Variants in ASTN2 observed in about 807,000 individuals in gnomAD.
ASTN2 encodes the protein astrotactin-2.
Under a neutral mutation model 139.8 loss-of-function variants are expected in ASTN2, and 54 were observed. The ratio of observed to expected loss-of-function variants is 0.39; its 90% CI spans 0.31 to 0.48. The LOEUF (loss-of-function observed/expected upper bound fraction) is 0.48. ASTN2 is among the 20% of genes least tolerant of loss of function. ASTN2 has a pLI of 0.95. For missense variants in ASTN2, 1,565 were observed against 1,725.1 expected, an observed-to-expected ratio of 0.91 and a Z score of 1.64; for synonymous variants, 756 against 719.5, an observed-to-expected ratio of 1.05 and a Z score of -0.81.
intron 4 of ASTN2, among the ~76,000 whole-genome samples, chr9:117,097,183 G>A (rs1828861904): frequency 6.6e-6 from 1 of 152,190 alleles, no homozygotes; most frequent in African/African-American, 2.4e-5. Context: ...GAGGATGGGA[G>A]GAGGAGATGA....
At chr9:117,397,645 C>T (rs1183819846) in intron 1 of ASTN2, among the ~76,000 whole-genome samples, 3 of 152,192 alleles carry the variant, frequency 2.0e-5, no homozygotes, top group Non-Finnish European at 4.4e-5. Context: ...TGCACATTTA[C>T]GTATTTTAAG....
intron 11 of ASTN2, among the ~76,000 whole-genome samples, chr9:116,855,862 G>T (rs1832725289): frequency 6.6e-6 from 1 of 152,162 alleles, no homozygotes; most frequent in Non-Finnish European, 1.5e-5. Flanking sequence ...CACATAATTA[G>T]TACTGAAATG....
chr9:116,871,212 C>T (rs1324129548), intron 10 of ASTN2, among the ~76,000 whole-genome samples: 4 of 152,116 alleles, frequency 2.6e-5, no homozygotes, highest in Non-Finnish European at 5.9e-5. Flanking sequence ...GAGCCGAGAT[C>T]GTGCCACGGC....
At chr9:117,334,236 A>G (rs150676641) in intron 1 of ASTN2, among the ~76,000 whole-genome samples, 4 of 152,202 alleles carry the variant, frequency 2.6e-5, no homozygotes, top group African/African-American at 9.6e-5. Context: ...TCTTCTTTCC[A>G]GGGATAAAAG....
At chr9:116,704,305 CTG>C (rs1013659454) in intron 16 of ASTN2, among the ~76,000 whole-genome samples, 9 of 150,836 alleles carry the variant, frequency 6.0e-5, no homozygotes, top group Non-Finnish European at 1.0e-4. Context: ...TTTGTTATAA[CTG>C]TGTTTTGTTT....
chr9:116,771,706 C>T (rs1468914383), intron 13 of ASTN2, among the ~76,000 whole-genome samples: 2 of 152,078 alleles, frequency 1.3e-5, no homozygotes, highest in Non-Finnish European at 2.9e-5. Context: ...ATATCTTTTT[C>T]AATTAAAGGG....
intron 2 of ASTN2, among the ~76,000 whole-genome samples, chr9:117,245,568 G>T (rs1250836670): frequency 6.6e-6 from 1 of 152,172 alleles, no homozygotes; most frequent in African/African-American, 2.4e-5. Flanking sequence ...GACCCACATT[G>T]CAGGCACGGA....
At chr9:116,571,594 C>T (rs1853517236) in intron 19 of ASTN2, among the ~76,000 whole-genome samples, 1 of 152,180 alleles carries the variant, frequency 6.6e-6, no homozygotes, top group East Asian at 1.9e-4. Flanking sequence ...CTGGGTGGAT[C>T]CATGTGGCAC....
At chr9:116,649,771 C>G (rs888194881) in intron 17 of ASTN2, among the ~76,000 whole-genome samples, 2 of 152,012 alleles carry the variant, frequency 1.3e-5, no homozygotes, top group Non-Finnish European at 2.9e-5. Context: ...CCTTCTGCCA[C>G]ACAATCTAAT....
At chr9:117,314,659 T>C in intron 1 of ASTN2, among the ~76,000 whole-genome samples, 1 of 146,520 alleles carries the variant, frequency 6.8e-6, no homozygotes, top group Non-Finnish European at 1.5e-5. Flanking sequence ...AAAATATGTA[T>C]AATTATATAT....
At chr9:117,360,013 GC>G (rs1488937923) in intron 1 of ASTN2, among the ~76,000 whole-genome samples, 2 of 152,160 alleles carry the variant, frequency 1.3e-5, no homozygotes, top group African/African-American at 2.4e-5. Context: ...AAGCCCGTTG[GC>G]TTTGACTGGT....
In ASTN2 at chr9:116,544,282, G is replaced by T. The variant is rs570917013; in HGVS notation, c.3356-56782C>A. 9.4e-4 allele frequency among the ~76,000 whole-genome samples: 143 copies of T among 152,228 alleles called. 3 individuals carry two copies. The highest frequency in any genetic ancestry group is 3.4e-3 in the African/African-American group (140 of 41,522). ...GTGTCCCCAGATATTTGGGGGAGGA[G>T]ATAGGAGCAACCCAGAAACCCTCCA... On this transcript the variant is annotated intron_variant, in intron 19 of 22. Transcript: ENST00000313400.
At chr9:117,281,111 G>A (rs1834313753) in intron 2 of ASTN2, among the ~76,000 whole-genome samples, 1 of 152,170 alleles carries the variant, frequency 6.6e-6, no homozygotes, top group Admixed American at 6.5e-5. Context: ...GGATGTTTGT[G>A]AAGGCCAAGA....
At chr9:117,321,453 C>G (rs1828319243) in intron 1 of ASTN2, among the ~76,000 whole-genome samples, 1 of 152,174 alleles carries the variant, frequency 6.6e-6, no homozygotes, top group South Asian at 2.1e-4. Context: ...GTGCCCCACT[C>G]CCACCATTCT....
chr9:117,175,348 A>G (rs951949828), intron 3 of ASTN2, among the ~76,000 whole-genome samples: 5 of 152,172 alleles, frequency 3.3e-5, no homozygotes, highest in African/African-American at 1.2e-4. Context: ...ATGGATGAGA[A>G]GTCTAAGTTT....
intron 10 of ASTN2, among the ~76,000 whole-genome samples, chr9:116,881,886 T>C (rs915818376): frequency 4.6e-5 from 7 of 152,202 alleles, no homozygotes; most frequent in Non-Finnish European, 8.8e-5. Flanking sequence ...AAGAACTATT[T>C]GATGTTTCGA....
intron 6 of ASTN2, among the ~76,000 whole-genome samples, chr9:117,023,581 C>T (rs374955987): frequency 7.2e-5 from 11 of 152,104 alleles, no homozygotes; most frequent in South Asian, 6.2e-4. Context: ...CTTTGGTGTT[C>T]GTCTCCTGCT....
At chr9:117,364,072 T>C (rs140938296) in intron 1 of ASTN2, among the ~76,000 whole-genome samples, 141 of 152,330 alleles carry the variant, frequency 9.3e-4, no homozygotes, top group Admixed American at 2.0e-3. Flanking sequence ...TCTTGTTTTC[T>C]CTATCCCCCT....
At chr9:116,552,972 A>G (rs1360724497) in intron 19 of ASTN2, among the ~76,000 whole-genome samples, 1 of 152,226 alleles carries the variant, frequency 6.6e-6, no homozygotes, top group African/African-American at 2.4e-5. Context: ...GCAGGACTGA[A>G]GGTGAAAAGA....
Sources: allele counts gnomAD v4.1 joint callset (sites outside exome capture counted in the v4.1 genomes callset), GRCh38; gene constraint gnomAD v4.1.1; transcripts MANE v1.5; gene names NCBI Gene and HGNC (gene_info 2026-07-23, HGNC 2026-07-21).